Variants in EXOC7 observed in about 807,000 individuals in gnomAD.
EXOC7 encodes exocyst complex component 7, also known as exocyst complex component Exo70.
A neutral mutation model predicts 87.6 loss-of-function variants in EXOC7; 51 were observed. The observed-to-expected ratio is 0.58, with a 90% CI of 0.46 to 0.73. The LOEUF is 0.73. EXOC7 is among the 30% of genes least tolerant of loss of function. EXOC7 has a pLI of 0.00. For missense variants in EXOC7, 744 were observed against 888.4 expected, an observed-to-expected ratio of 0.84 and a Z score of 2.07; for synonymous variants, 327 against 357.1, an observed-to-expected ratio of 0.92 and a Z score of 0.95.
intron 13 of EXOC7, 68 bp from the exon 14 acceptor site, chr17:76,085,865 C>T (rs954731107): frequency 1.3e-5 from 21 of 1,575,016 alleles, no homozygotes; most frequent in African/African-American, 4.1e-5. Flanking sequence ...CCCCAGGACC[C>T]GCGAACGCGC....
intron 6 of EXOC7, 179 bp downstream of exon 6, chr17:76,094,235 C>T: frequency 1.7e-6 from 1 of 604,080 alleles, no homozygotes; most frequent in South Asian, 2.4e-5. Context: ...GAGTCTTGCT[C>T]TTGGGGGGCT....
rs2067010603 is a variant in EXOC7, at chr17:76,082,174, G to A, written c.*1474C>T. ...CACCCTGCTGGCTCTCCTGTCCCTGGTCTCCACCATGTCCTCCTCCCTTAG... is the reference window on the plus strand; with the variant it reads ...CACCCTGCTGGCTCTCCTGTCCCTGATCTCCACCATGTCCTCCTCCCTTAG... On this transcript the variant is annotated 3_prime_UTR_variant, in exon 19 of 19. Transcript: ENST00000589210. 1 of 1,206,854 alleles carries A rather than the reference G, an allele frequency of 8.3e-7. No individual in the cohort carries two copies. The highest frequency in any genetic ancestry group is 1.5e-5 in the African/African-American group (1 of 64,876). The allele number at this position is 1,206,854 out of a possible 1,614,324, so 74.8% of individuals were successfully genotyped here. A position where few individuals can be genotyped will look rare whatever the true frequency, so the allele number is the denominator to read the frequency against.
intron 7 of EXOC7, 195 bp from the exon 8 acceptor site, chr17:76,089,515 C>T: frequency 1.6e-6 from 1 of 638,706 alleles, no homozygotes; most frequent in Non-Finnish European, 2.7e-6. Flanking sequence ...AGGAGCTGAG[C>T]CCAGCCTTTG....
chr17:76,098,056 T>C (rs201470663), intron 4 of EXOC7, 38 bp from the exon 5 acceptor site: 1 of 1,582,266 alleles, frequency 6.3e-7, no homozygotes, highest in Non-Finnish European at 8.7e-7. Flanking sequence ...GCCTGCTGCT[T>C]CAGTGTTCTG....
chr17:76,100,714 T>C (rs905374832), intron 4 of EXOC7, among the ~76,000 whole-genome samples: 3 of 152,048 alleles, frequency 2.0e-5, no homozygotes, highest in Non-Finnish European at 4.4e-5. Context: ...CAAACGTGGC[T>C]GGGTGCAATG....
chr17:76,081,213 T>TTGGC lies in EXOC7; in HGVS notation c.*2434_*2435insGCCA. 1 of 1,598,748 alleles carries TTGGC rather than the reference T, an allele frequency of 6.3e-7. No individual in the cohort carries two copies. The highest frequency in any genetic ancestry group is 1.1e-5 in the South Asian group (1 of 88,682). On this transcript the variant is annotated 3_prime_UTR_variant, in exon 19 of 19. Coordinates refer to ENST00000589210, the MANE Select transcript of EXOC7 (RefSeq NM_001013839.4). ...CCATCACCCCTGGGCTCCAGTCTGC[T>TTGGC]ACCCCCAGACTTGGCAGCTGGGATC...
intron 15 of EXOC7, chr17:76,085,018 C>T (rs2067146812): frequency 2.0e-6 from 1 of 491,038 alleles, no homozygotes; most frequent in East Asian, 3.6e-5. Context: ...CGACCTTGCT[C>T]TTCTCCTAGG....
At chr17:76,096,802 C>A (rs1274117947) in intron 5 of EXOC7, among the ~76,000 whole-genome samples, 1 of 152,062 alleles carries the variant, frequency 6.6e-6, no homozygotes, top group African/African-American at 2.4e-5. Flanking sequence ...GTGATCCGCC[C>A]ACCTTGGCCC....
At chr17:76,099,667 G>A (rs996161659) in intron 4 of EXOC7, among the ~76,000 whole-genome samples, 1 of 152,148 alleles carries the variant, frequency 6.6e-6, no homozygotes, top group East Asian at 1.9e-4. Flanking sequence ...GTCACAAAAG[G>A]CCATGTATTA....
Position 76,083,651 on chromosome 17 carries a change from G to C in EXOC7, c.2052C>G (p.Ala684=), listed in dbSNP as rs368736156. ...CCAGGCAGGGCTAGCAGCAGGCTCA[G>C]GCAGAGGTGTCGAAAAGGCGATCGA... is the stretch of plus-strand genomic sequence containing the variant. ...DMIDRLFDTS[A] is the part of the protein sequence containing the mutation. The change falls in exon 19 of 19, where the codon GCC becomes GCG. Residue 684 remains alanine, a synonymous_variant. Transcript: ENST00000589210. 2.0e-5 allele frequency: 33 copies of C among 1,613,644 alleles called. No homozygotes were observed. Among genetic ancestry groups the C allele is most frequent in the Non-Finnish European group, 2.7e-5 (32 of 1,179,886 alleles).
Position 76,089,588 on chromosome 17 carries a change from CG to C in EXOC7, c.902-269del, listed in dbSNP as rs373316176. 123 of 526,886 alleles carry C rather than the reference CG, an allele frequency of 2.3e-4. 1 individual carries two copies. The highest frequency in any genetic ancestry group is 1.6e-3 in the East Asian group (49 of 30,906). 32.6% of individuals were successfully genotyped at this position (526,886 alleles called of 1,614,324 possible). On this transcript the variant is annotated intron_variant, in intron 7 of 18. Coordinates refer to ENST00000589210, the MANE Select transcript of EXOC7 (RefSeq NM_001013839.4). ...TCAGACACCAGAGGCAGGAGAGTGA[CG>C]GATGGAAAGATAAGGAGGGAAGATT...
rs1426686878 is a variant in EXOC7 at position 76,087,726 on chromosome 17, T to A, written c.1363-6A>T. On this transcript the variant is annotated splice_polypyrimidine_tract_variant and splice_region_variant and intron_variant, in intron 11 of 18. Coordinates refer to ENST00000589210, the MANE Select transcript of EXOC7 (RefSeq NM_001013839.4). ...TGCTGCAGGAAGAGGATGGCCTGGG[T>A]GGGAAGAAAACGGTGCAGAAGGGCA... 6.4e-7 allele frequency: 1 copy of A among 1,550,546 alleles called. No homozygotes were observed. Among genetic ancestry groups the A allele is most frequent in the African/African-American group, 1.4e-5 (1 of 72,948 alleles).
chr17:76,088,607 G>T (rs1480504348), intron 9 of EXOC7, 45 bp from the exon 10 acceptor site: 1 of 1,602,222 alleles, frequency 6.2e-7, no homozygotes, highest in African/African-American at 1.3e-5. Context: ...CAGTCGCTCT[G>T]TGAGCATCTC....
In EXOC7 at chr17:76,103,727, CTT is replaced by C. The variant is rs781699754; in HGVS notation, c.-37_-36del. On this transcript the variant is annotated 5_prime_UTR_variant, in exon 1 of 19. Transcript: ENST00000589210. ...CCCCGCGGCTCCCACTCCCCAGTATCTTTCCTCCGCGGGCCCACCGGGCCCCC... is the reference window on the plus strand; with the variant it reads ...CCCCGCGGCTCCCACTCCCCAGTATCTCCTCCGCGGGCCCACCGGGCCCCC... 4.4e-6 allele frequency: 7 copies of C among 1,574,988 alleles called. No individual in the cohort carries two copies. The highest frequency in any genetic ancestry group is 6.0e-6 in the Non-Finnish European group (7 of 1,161,408).
Position 76,082,562 on chromosome 17 carries a change from T to A in EXOC7, c.*1086A>T. 1 of 1,613,766 alleles carries A rather than the reference T, an allele frequency of 6.2e-7. No homozygotes were observed. The highest frequency in any genetic ancestry group is 1.1e-5 in the South Asian group (1 of 91,088). The stretch of plus-strand genomic sequence containing the variant: ...GTGGTTGGGGTGCTGTGCACCCAAT[T>A]CGTCTTTGCAGGAATCTGGATGTGG... On this transcript the variant is annotated 3_prime_UTR_variant, in exon 19 of 19. Coordinates refer to ENST00000589210, the MANE Select transcript of EXOC7 (RefSeq NM_001013839.4).
intron 6 of EXOC7, 130 bp downstream of exon 6, chr17:76,094,284 C>T: frequency 1.0e-6 from 1 of 974,106 alleles, no homozygotes; most frequent in Non-Finnish European, 1.5e-6. Flanking sequence ...GTCCTGTGTA[C>T]CTACAGTCGG....
rs745473490 is a variant in EXOC7, at chr17:76,085,320, T to C, written c.1706A>G (p.Gln569Arg). 2.5e-6 allele frequency: 4 copies of C among 1,599,684 alleles called. No individual in the cohort carries two copies. The highest frequency in any genetic ancestry group is 3.4e-6 in the Non-Finnish European group (4 of 1,173,918). Residue 569 changes from glutamine (Q) to arginine (R), a missense_variant, in exon 15 of 19, where the codon CAG (glutamine) becomes CGG (arginine). This residue lies in a region of EXOC7 where 228 missense variants were observed against 298.6 expected (regional missense o/e 0.76). Transcript: ENST00000589210. ...EHIEQQIQTYQRSWLKVTDYI... is the reference protein window; with the variant it reads ...EHIEQQIQTYRRSWLKVTDYI... ...GGCGGGCCCAGCCTCTCACCTGCGC[T>C]GGTAGGTCTGGATCTGCTGCTCAAT...
intron 14 of EXOC7, 105 bp downstream of exon 14, chr17:76,085,571 TC>T: frequency 6.4e-7 from 1 of 1,562,096 alleles, no homozygotes. Context: ...AAGCACCCCC[TC>T]CCCTCTCGTC....
rs1598299083 is a variant in EXOC7, at chr17:76,086,154, G to A, written c.1430-9C>T. 6.2e-7 allele frequency: 1 copy of A among 1,613,080 alleles called. No homozygotes were observed. The highest frequency in any genetic ancestry group is 8.5e-7 in the Non-Finnish European group (1 of 1,179,888). ...GGCCGAAGAGCTGGTCTCTGTGAGAGGAGAAGTCCTGTTATTGCAGTGGCA... is the reference window on the plus strand; with the variant it reads ...GGCCGAAGAGCTGGTCTCTGTGAGAAGAGAAGTCCTGTTATTGCAGTGGCA... On this transcript the variant is annotated splice_polypyrimidine_tract_variant and intron_variant, in intron 12 of 18. Coordinates refer to ENST00000589210, the MANE Select transcript of EXOC7 (RefSeq NM_001013839.4).
Sources: gnomAD v4.1 joint callset for allele counts (sites outside exome capture counted in the v4.1 genomes callset) on GRCh38, gnomAD v4.1.1 for gene constraint, gnomAD v4.1.1 regional missense constraint, MANE v1.5 for transcripts, NCBI Gene and HGNC (gene_info 2026-07-23, HGNC 2026-07-21) for gene names.